The following RNGTT variants were observed in gnomAD, a reference collection of about 807,000 sequenced individuals.
RNGTT encodes the protein mRNA-capping enzyme.
Under a neutral mutation model 79.3 loss-of-function variants are expected in RNGTT, and 33 were observed. The observed-to-expected ratio is 0.42, with a 90% CI of 0.32 to 0.56. The LOEUF (loss-of-function observed/expected upper bound fraction) is 0.56, where lower values mean the gene tolerates loss of function less well. RNGTT is among the 20% of genes least tolerant of loss of function. The probability of loss-of-function intolerance (pLI) is 0.17; values close to 1 mark genes in which losing one functional copy is unlikely to be tolerated. For missense variants in RNGTT, 497 were observed against 739.1 expected (o/e 0.67, Z 3.80); for synonymous variants, 222 against 235.9 (o/e 0.94, Z 0.54).
At chr6:88,894,351 T>G (rs1783154300) in intron 6 of RNGTT, among the ~76,000 whole-genome samples, 1 of 152,176 alleles carries the variant, frequency 6.6e-6, no homozygotes, top group South Asian at 2.1e-4. Flanking sequence ...TTTATTTTAT[T>G]TTAAAAATCC....
At chr6:88,803,407 C>A (rs751806932) in intron 11 of RNGTT, among the ~76,000 whole-genome samples, 1 of 151,604 alleles carries the variant, frequency 6.6e-6, no homozygotes, top group African/African-American at 2.4e-5. Context: ...AACACCATCT[C>A]TACTAAAAAA....
intron 8 of RNGTT, among the ~76,000 whole-genome samples, chr6:88,876,658 C>A (rs1782528855): frequency 6.6e-6 from 1 of 152,212 alleles, no homozygotes; most frequent in South Asian, 2.1e-4. Flanking sequence ...AATTCAATCT[C>A]TTTATCCTGT....
intron 8 of RNGTT, among the ~76,000 whole-genome samples, chr6:88,864,757 G>A (rs1453384408): frequency 6.6e-6 from 1 of 152,120 alleles, no homozygotes; most frequent in Non-Finnish European, 1.5e-5. Flanking sequence ...AAGATATTCA[G>A]CCTTTAAAAG....
chr6:88,689,415 G>A (rs866853345), intron 13 of RNGTT, among the ~76,000 whole-genome samples: 10 of 152,008 alleles, frequency 6.6e-5, no homozygotes, highest in Non-Finnish European at 1.5e-4. Context: ...CCGATGTGGC[G>A]AAACCCCGTC....
intron 11 of RNGTT, among the ~76,000 whole-genome samples, chr6:88,831,695 G>A (rs761206023): frequency 5.3e-5 from 8 of 152,176 alleles, no homozygotes; most frequent in African/African-American, 7.2e-5. Context: ...AAACTCCACC[G>A]TCTCAGCCCC....
At chr6:88,933,174 T>C (rs960571850) in intron 2 of RNGTT, among the ~76,000 whole-genome samples, 3 of 152,234 alleles carry the variant, frequency 2.0e-5, no homozygotes, top group Non-Finnish European at 4.4e-5. Context: ...ATATGTGATA[T>C]TTTATTACAT....
At chr6:88,707,871 G>C (rs941652807) in intron 13 of RNGTT, among the ~76,000 whole-genome samples, 2 of 151,742 alleles carry the variant, frequency 1.3e-5, no homozygotes, top group African/African-American at 2.4e-5. Flanking sequence ...AGTACAAAAG[G>C]CCTTCTAGGA....
chr6:88,850,078 A>G (rs1338025623), intron 9 of RNGTT, among the ~76,000 whole-genome samples: 1 of 152,012 alleles, frequency 6.6e-6, no homozygotes, highest in Non-Finnish European at 1.5e-5. Flanking sequence ...TTGAATTTCC[A>G]TGCTACATTT....
chr6:88,819,422 T>C (rs1261416881), intron 11 of RNGTT, among the ~76,000 whole-genome samples: 1 of 152,170 alleles, frequency 6.6e-6, no homozygotes. Flanking sequence ...AAAGAGCTCA[T>C]GCAGCTAATA....
chr6:88,844,317 G>T, intron 11 of RNGTT, 40 bp downstream of exon 11: 2 of 1,546,698 alleles, frequency 1.3e-6, no homozygotes, highest in Non-Finnish European at 8.9e-7. Context: ...TGAATTATGA[G>T]ACATTATTAG....
At chr6:88,894,804 T>C (rs958622722) in intron 6 of RNGTT, among the ~76,000 whole-genome samples, 6 of 152,192 alleles carry the variant, frequency 3.9e-5, no homozygotes, top group Non-Finnish European at 7.3e-5. Context: ...TGGTGACTCA[T>C]GCCAGTAATC....
intron 14 of RNGTT, among the ~76,000 whole-genome samples, chr6:88,617,011 G>A (rs1345555833): frequency 6.6e-6 from 1 of 152,130 alleles, no homozygotes; most frequent in Non-Finnish European, 1.5e-5. Flanking sequence ...AGTGGCTCAC[G>A]CCTGTAATCC....
intron 1 of RNGTT, among the ~76,000 whole-genome samples, chr6:88,949,279 T>C (rs1175442247): frequency 1.4e-5 from 2 of 145,022 alleles, no homozygotes; most frequent in African/African-American, 5.1e-5. Flanking sequence ...TTTTTTTTTT[T>C]GAGACAGAGT....
At chr6:88,922,861 A>G (rs1233953632) in intron 4 of RNGTT, among the ~76,000 whole-genome samples, 1 of 152,218 alleles carries the variant, frequency 6.6e-6, no homozygotes, top group Non-Finnish European at 1.5e-5. Flanking sequence ...TTTGTTAGGT[A>G]TCTCAAGTGT....
At chr6:88,943,306 A>T (rs1784907749) in intron 1 of RNGTT, among the ~76,000 whole-genome samples, 1 of 152,118 alleles carries the variant, frequency 6.6e-6, no homozygotes, top group Non-Finnish European at 1.5e-5. Flanking sequence ...AAATAGTAAC[A>T]TCATTCTTTT....
intron 13 of RNGTT, among the ~76,000 whole-genome samples, chr6:88,740,988 A>C (rs1292141843): frequency 6.6e-6 from 1 of 152,190 alleles, no homozygotes; most frequent in African/African-American, 2.4e-5. Context: ...ACACTTGTAC[A>C]CTGTTGATGA....
chr6:88,768,509 T>G (rs1475551436), intron 13 of RNGTT, among the ~76,000 whole-genome samples: 1 of 152,206 alleles, frequency 6.6e-6, no homozygotes, highest in Non-Finnish European at 1.5e-5. Flanking sequence ...ACAGTTTCCT[T>G]TCTTTGATAA....
At chr6:88,845,495 T>C (rs923956204) in intron 10 of RNGTT, among the ~76,000 whole-genome samples, 1 of 152,212 alleles carries the variant, frequency 6.6e-6, no homozygotes, top group Admixed American at 6.5e-5. Flanking sequence ...GATTAGTAAT[T>C]ATCGCTTCAA....
chr6:88,721,379 C>T (rs1428393143), intron 13 of RNGTT, among the ~76,000 whole-genome samples: 1 of 152,004 alleles, frequency 6.6e-6, no homozygotes, highest in Non-Finnish European at 1.5e-5. Flanking sequence ...AGCTGGGGTT[C>T]CTCCTTGCCC....
Sources: allele counts gnomAD v4.1 joint callset (sites outside exome capture counted in the v4.1 genomes callset), GRCh38; gene constraint gnomAD v4.1.1; transcripts MANE v1.5; gene names NCBI Gene and HGNC (gene_info 2026-07-23, HGNC 2026-07-21).